Variants in RBFOX2 observed in about 807,000 individuals in gnomAD.
The protein encoded by RBFOX2 is RNA binding fox-1 homolog 2, also known as RNA binding protein fox-1 homolog 2.
In RBFOX2, 10 loss-of-function variants were observed where a neutral mutation model predicts 49.1. That is an observed-to-expected ratio of 0.20 (90% CI 0.13 to 0.35). RBFOX2 has a LOEUF of 0.35. Ranked by LOEUF, RBFOX2 falls within the 10% of genes least tolerant of loss-of-function variation. The pLI is 1.00. For missense variants in RBFOX2, 323 were observed against 486.9 expected (o/e 0.66, Z 3.17); for synonymous variants, 183 against 187.4 (o/e 0.98, Z 0.19).
intron 1 of RBFOX2, among the ~76,000 whole-genome samples, chr22:35,812,145 C>T (rs1461154540): frequency 6.6e-6 from 1 of 151,872 alleles, no homozygotes. Flanking sequence ...CCTTTAATCT[C>T]AGATATCTTG....
intron 1 of RBFOX2, among the ~76,000 whole-genome samples, chr22:36,019,581 G>C (rs889616902): frequency 6.6e-6 from 1 of 152,236 alleles, no homozygotes; most frequent in East Asian, 1.9e-4. Flanking sequence ...GTTCACAGAT[G>C]TGTGAGCAGG....
chr22:35,752,606 C>T (rs903751105), intron 9 of RBFOX2: 6 of 981,308 alleles, frequency 6.1e-6, no homozygotes, highest in Non-Finnish European at 7.3e-6. Flanking sequence ...CACACTGGCA[C>T]TCCTACCTGA....
intron 1 of RBFOX2, among the ~76,000 whole-genome samples, chr22:35,976,344 C>A (rs73161722): frequency 1.3e-5 from 2 of 151,744 alleles, no homozygotes; most frequent in Non-Finnish European, 2.9e-5. Flanking sequence ...CCACCCCCCC[C>A]TCTTAATTCT....
At chr22:36,028,708 A>ACCCGG (rs1453625682) in exon 1 of RBFOX2, among the ~76,000 whole-genome samples, 2 of 146,772 alleles carry the variant, frequency 1.4e-5, no homozygotes, top group Non-Finnish European at 3.0e-5. Flanking sequence ...CACACGCGAA[A>ACCCGG]CCCGGCCCGG....
chr22:35,988,937 C>T (rs1050539229), intron 1 of RBFOX2, among the ~76,000 whole-genome samples: 23 of 152,326 alleles, frequency 1.5e-4, no homozygotes, highest in African/African-American at 4.8e-4. Context: ...TGCCTGTAAT[C>T]CCAGCATCTT....
intron 1 of RBFOX2, among the ~76,000 whole-genome samples, chr22:35,828,895 C>T (rs779864239): frequency 2.6e-5 from 4 of 151,890 alleles, no homozygotes; most frequent in African/African-American, 2.4e-5. Context: ...ACTAAAAAGA[C>T]AAAAAATTAG....
exon 11 of RBFOX2, chr22:35,745,970 G>A (rs761368122): frequency 7.4e-6 from 12 of 1,613,906 alleles, no homozygotes; most frequent in Non-Finnish European, 1.7e-6. Flanking sequence ...GCATGGTAGG[G>A]GTCGGCTGTG....
chr22:35,988,354 A>G (rs2057812337), intron 1 of RBFOX2, among the ~76,000 whole-genome samples: 2 of 152,216 alleles, frequency 1.3e-5, no homozygotes, highest in African/African-American at 4.8e-5. Flanking sequence ...AAGAAAAAAT[A>G]AAGATTAAAA....
At chr22:35,847,216 A>G (rs1467470182) in intron 1 of RBFOX2, among the ~76,000 whole-genome samples, 1 of 152,242 alleles carries the variant, frequency 6.6e-6, no homozygotes, top group Admixed American at 6.5e-5. Flanking sequence ...CTAATAAAAT[A>G]ATCATTTTCA....
At chr22:35,983,310 C>G (rs1222460790) in intron 1 of RBFOX2, among the ~76,000 whole-genome samples, 1 of 152,182 alleles carries the variant, frequency 6.6e-6, no homozygotes, top group Non-Finnish European at 1.5e-5. Flanking sequence ...CTACCAGGGG[C>G]ATCTGCTCTT....
At chr22:35,922,966 G>GA (rs551818621) in intron 1 of RBFOX2, among the ~76,000 whole-genome samples, 3 of 152,148 alleles carry the variant, frequency 2.0e-5, no homozygotes, top group Non-Finnish European at 4.4e-5. Context: ...CAGGTATGAA[G>GA]TGCTGGGTTT....
upstream of RBFOX2, chr22:35,939,044 A>C: frequency 1.3e-6 from 1 of 785,766 alleles, no homozygotes; most frequent in African/African-American, 1.7e-5. Flanking sequence ...CTAAGTGTAT[A>C]TATCTCCTCG....
intron 1 of RBFOX2, among the ~76,000 whole-genome samples, chr22:36,009,052 C>G (rs2058719155): frequency 6.6e-6 from 1 of 152,160 alleles, no homozygotes; most frequent in African/African-American, 2.4e-5. Context: ...TTTACAGTCA[C>G]ACAGTTAATA....
chr22:35,752,821 T>G (rs1307865180), intron 9 of RBFOX2, among the ~76,000 whole-genome samples: 1 of 152,146 alleles, frequency 6.6e-6, no homozygotes, highest in Non-Finnish European at 1.5e-5. Context: ...ATTTAAAAAG[T>G]GAATTAGGGC....
intron 1 of RBFOX2, among the ~76,000 whole-genome samples, chr22:35,877,561 C>G (rs909599958): frequency 9.2e-5 from 14 of 152,180 alleles, no homozygotes; most frequent in Non-Finnish European, 1.6e-4. Flanking sequence ...TGAACATTTA[C>G]TATGCACCAA....
At chr22:35,819,885 T>A (rs1954074383) in intron 1 of RBFOX2, among the ~76,000 whole-genome samples, 1 of 152,146 alleles carries the variant, frequency 6.6e-6, no homozygotes, top group South Asian at 2.1e-4. Context: ...TCTAGCAAGG[T>A]AACACTGATC....
At chr22:35,806,094 G>T (rs9610354) in intron 2 of RBFOX2, among the ~76,000 whole-genome samples, 10 of 151,942 alleles carry the variant, frequency 6.6e-5, no homozygotes, top group Admixed American at 6.6e-4. Context: ...CCCACAGAAC[G>T]TACACCAGTA....
At chr22:35,750,890 G>A (rs1934659270) in intron 9 of RBFOX2, among the ~76,000 whole-genome samples, 1 of 152,148 alleles carries the variant, frequency 6.6e-6, no homozygotes, top group Admixed American at 6.5e-5. Context: ...TTCTTCAAAG[G>A]AAAATGCCTT....
chr22:35,823,853 C>G (rs1288771260), intron 1 of RBFOX2, among the ~76,000 whole-genome samples: 1 of 152,060 alleles, frequency 6.6e-6, no homozygotes, highest in Non-Finnish European at 1.5e-5. Context: ...AGAGAAGGAT[C>G]AAAACTAAAT....
Sources: allele counts gnomAD v4.1 joint callset (sites outside exome capture counted in the v4.1 genomes callset), GRCh38; gene constraint gnomAD v4.1.1; transcripts MANE v1.5; gene names NCBI Gene and HGNC (gene_info 2026-07-23, HGNC 2026-07-21).